Variants in ORC3 observed in about 807,000 individuals in gnomAD.
ORC3 encodes the protein homolog of latheo, Drosophila.
ORC3 carries 78 observed loss-of-function variants against 100.7 expected under a neutral mutation model. The ratio of observed to expected loss-of-function variants is 0.77; its 90% CI spans 0.65 to 0.94. The LOEUF is 0.94. Among genes scored for constraint, ORC3 ranks in the 40% least tolerant of loss-of-function variants. ORC3 has a pLI of 0.00. For missense variants in ORC3, 789 were observed against 823.9 expected, an observed-to-expected ratio of 0.96 and a Z score of 0.52; for synonymous variants, 295 against 289.3, an observed-to-expected ratio of 1.02 and a Z score of -0.20.
At chr6:87,640,621 G>T (rs1768172286) in intron 13 of ORC3, among the ~76,000 whole-genome samples, 1 of 152,198 alleles carries the variant, frequency 6.6e-6, no homozygotes, top group Non-Finnish European at 1.5e-5. Context: ...TGCTAACCCA[G>T]CAGTGAGCTA....
At chr6:87,649,396 C>T (rs1247549597) in intron 13 of ORC3, among the ~76,000 whole-genome samples, 1 of 152,216 alleles carries the variant, frequency 6.6e-6, no homozygotes, top group African/African-American at 2.4e-5. Context: ...AGTGTACACA[C>T]ATTGTTCCTG....
chr6:87,607,143 A>G (rs1313396648), intron 5 of ORC3, among the ~76,000 whole-genome samples: 5 of 152,180 alleles, frequency 3.3e-5, no homozygotes, highest in Non-Finnish European at 7.3e-5. Context: ...GATAATATAC[A>G]TAAATGGCTG....
chr6:87,665,736 G>A lies in ORC3; in HGVS notation c.1951-18G>A, dbSNP rs1164307125. The stretch of plus-strand genomic sequence containing the variant: ...ACTGTAGACATTTTTATTTTCTTCT[G>A]TCTTGTCTATTCAAAAGGCTTTTGC... On this transcript the variant is annotated intron_variant, in intron 18 of 19. Transcript: ENST00000392844. 1.3e-6 allele frequency: 2 copies of A among 1,550,906 alleles called. No individual in the cohort carries two copies. Among genetic ancestry groups the A allele is most frequent in the Admixed American group, 3.4e-5 (2 of 59,540 alleles).
chr6:87,634,332 T>C (rs1218821026), intron 11 of ORC3, among the ~76,000 whole-genome samples: 1 of 152,190 alleles, frequency 6.6e-6, no homozygotes, highest in African/African-American at 2.4e-5. Context: ...GTTTCTGCCA[T>C]AGTCTTTTCA....
intron 14 of ORC3, among the ~76,000 whole-genome samples, chr6:87,653,996 A>G (rs145030275): frequency 1.3e-3 from 197 of 152,338 alleles, no homozygotes; most frequent in African/African-American, 4.0e-3. Context: ...TAGTAGAACA[A>G]TAACAACAAT....
downstream of ORC3, among the ~76,000 whole-genome samples, chr6:87,668,176 C>A (rs1770756406): frequency 6.6e-6 from 1 of 152,126 alleles, no homozygotes; most frequent in South Asian, 2.1e-4. Flanking sequence ...AATTATGGGA[C>A]TTTAAGGCTA....
intron 11 of ORC3, among the ~76,000 whole-genome samples, chr6:87,627,806 A>G (rs1780035429): frequency 1.3e-5 from 2 of 152,198 alleles, no homozygotes; most frequent in South Asian, 2.1e-4. Context: ...TACAGTCTGT[A>G]TAACTGGAAA....
At chr6:87,619,680 A>C (rs1779401457) in intron 9 of ORC3, among the ~76,000 whole-genome samples, 1 of 152,150 alleles carries the variant, frequency 6.6e-6, no homozygotes, top group Non-Finnish European at 1.5e-5. Flanking sequence ...TACTGATATT[A>C]TAGGCGTGAG....
intron 2 of ORC3, among the ~76,000 whole-genome samples, chr6:87,599,959 C>T (rs1027423600): frequency 9.9e-5 from 15 of 152,108 alleles, no homozygotes; most frequent in African/African-American, 2.7e-4. Context: ...GGCAACAGAG[C>T]GAGACCCTGT....
chr6:87,659,903 G>T (rs1335722120), intron 16 of ORC3, among the ~76,000 whole-genome samples: 1 of 147,438 alleles, frequency 6.8e-6, no homozygotes, highest in East Asian at 2.0e-4. Context: ...AAAAAGTGAT[G>T]AACTGCAATA....
downstream of ORC3, among the ~76,000 whole-genome samples, chr6:87,672,069 C>A (rs1770845224): frequency 6.6e-6 from 1 of 151,988 alleles, no homozygotes; most frequent in Non-Finnish European, 1.5e-5. Flanking sequence ...TTAATTGAAT[C>A]GTGTTTGGGG....
intron 11 of ORC3, among the ~76,000 whole-genome samples, chr6:87,623,758 C>A (rs980532853): frequency 1.3e-5 from 2 of 152,062 alleles, no homozygotes; most frequent in Non-Finnish European, 2.9e-5. Flanking sequence ...GTAGCGCATG[C>A]CTGTAGTCCC....
intron 3 of ORC3, among the ~76,000 whole-genome samples, chr6:87,602,915 TATATATATATACACGTTTA>T (rs1778024739): frequency 1.9e-5 from 1 of 52,328 alleles, no homozygotes; most frequent in Non-Finnish European, 3.9e-5. Flanking sequence ...TTATATATTA[TATATATATATACACGTTTA>T]TATATATATA....
At chr6:87,672,485 T>C in the ORC3 span, among the ~76,000 whole-genome samples, 56 of 152,310 alleles carry the variant, frequency 3.7e-4, 1 homozygote, top group African/African-American at 1.3e-3. Context: ...GCAAGAGAAT[T>C]GTGGGAGCCA....
At chr6:87,617,454 G>A (rs1055335255) in intron 9 of ORC3, among the ~76,000 whole-genome samples, 2 of 152,100 alleles carry the variant, frequency 1.3e-5, no homozygotes, top group Non-Finnish European at 2.9e-5. Flanking sequence ...TATGTATTAT[G>A]CCAGGCACGG....
At chr6:87,636,183 C>T (rs1311481865) in intron 12 of ORC3, among the ~76,000 whole-genome samples, 2 of 152,166 alleles carry the variant, frequency 1.3e-5, no homozygotes, top group African/African-American at 4.8e-5. Context: ...CCGCCCGCCT[C>T]AGCCTCCCAA....
At chr6:87,612,584 T>C (rs1039404698) in intron 8 of ORC3, among the ~76,000 whole-genome samples, 3 of 152,132 alleles carry the variant, frequency 2.0e-5, no homozygotes, top group African/African-American at 7.2e-5. Context: ...GTAGTAACAA[T>C]GTATTTTGAC....
intron 1 of ORC3, among the ~76,000 whole-genome samples, chr6:87,593,215 T>C (rs1445586821): frequency 6.6e-6 from 1 of 152,216 alleles, no homozygotes; most frequent in East Asian, 1.9e-4. Flanking sequence ...AACAATAATA[T>C]GAAACTAAAC....
At chr6:87,677,716 A>C in the ORC3 span, 1 of 1,361,030 alleles carries the variant, frequency 7.3e-7, no homozygotes, top group Non-Finnish European at 1.0e-6. Flanking sequence ...ATTCTCAGAG[A>C]ATATACCGCA....
Sources: allele counts gnomAD v4.1 joint callset (sites outside exome capture counted in the v4.1 genomes callset), GRCh38; gene constraint gnomAD v4.1.1; transcripts MANE v1.5; gene names NCBI Gene and HGNC (gene_info 2026-07-23, HGNC 2026-07-21).